The following HCN1 variants were observed in gnomAD, a reference collection of about 807,000 sequenced individuals.
The protein encoded by HCN1 is hyperpolarization activated cyclic nucleotide gated potassium channel 1.
Under a neutral mutation model 78.9 loss-of-function variants are expected in HCN1, and 13 were observed. That is an observed-to-expected ratio of 0.16 (90% CI 0.11 to 0.26). The LOEUF (loss-of-function observed/expected upper bound fraction) is 0.26, where lower values mean the gene tolerates loss of function less well. Ranked by LOEUF, HCN1 falls within the 10% of genes least tolerant of loss-of-function variation. The pLI is 1.00. For missense variants in HCN1, 810 were observed against 1,154.3 expected (o/e 0.70, Z 4.32); for synonymous variants, 552 against 455.5 (o/e 1.21, Z -2.70).
At chr5:45,406,114 T>G (rs568147229) in intron 3 of HCN1, among the ~76,000 whole-genome samples, 3 of 152,274 alleles carry the variant, frequency 2.0e-5, no homozygotes, top group East Asian at 3.9e-4. Flanking sequence ...TTCATCCAAT[T>G]TTTTATACTA....
intron 1 of HCN1, among the ~76,000 whole-genome samples, chr5:45,664,979 G>A (rs1455253482): frequency 6.6e-6 from 1 of 151,562 alleles, no homozygotes; most frequent in East Asian, 1.9e-4. Flanking sequence ...AAATCATGCT[G>A]CTATAAAGAC....
At chr5:45,680,816 A>T (rs1739688488) in intron 1 of HCN1, among the ~76,000 whole-genome samples, 1 of 151,992 alleles carries the variant, frequency 6.6e-6, no homozygotes. Flanking sequence ...TTATCTCTTC[A>T]TGTATTAGGT....
chr5:45,579,865 C>A (rs1001048698), intron 2 of HCN1, among the ~76,000 whole-genome samples: 18 of 152,078 alleles, frequency 1.2e-4, no homozygotes, highest in African/African-American at 2.9e-4. Flanking sequence ...GTGAGAATTT[C>A]TCTTCCTGGT....
intron 2 of HCN1, among the ~76,000 whole-genome samples, chr5:45,572,182 TA>T (rs1743850197): frequency 1.3e-5 from 2 of 152,262 alleles, no homozygotes; most frequent in African/African-American, 4.8e-5. Context: ...TGCCAAAGGA[TA>T]AATAAAAAAT....
intron 2 of HCN1, among the ~76,000 whole-genome samples, chr5:45,577,028 T>G (rs1415736708): frequency 6.6e-6 from 1 of 152,136 alleles, no homozygotes; most frequent in African/African-American, 2.4e-5. Flanking sequence ...ATTCACCAAG[T>G]TTATATTCTC....
intron 6 of HCN1, among the ~76,000 whole-genome samples, chr5:45,284,014 C>T (rs1285402622): frequency 6.6e-6 from 1 of 152,108 alleles, no homozygotes; most frequent in African/African-American, 2.4e-5. Context: ...AGCTGGAGGC[C>T]ATTTCCCTTA....
chr5:45,692,862 C>T (rs1561247346), intron 1 of HCN1, among the ~76,000 whole-genome samples: 4 of 152,146 alleles, frequency 2.6e-5, no homozygotes, highest in Admixed American at 2.6e-4. Context: ...GGAGTAAGAA[C>T]ATAGTAAACT....
intron 3 of HCN1, among the ~76,000 whole-genome samples, chr5:45,440,331 G>T (rs1231416492): frequency 6.6e-6 from 1 of 152,078 alleles, no homozygotes; most frequent in Admixed American, 6.5e-5. Flanking sequence ...GAACAGTCAA[G>T]AAATATTTGT....
rs180962733 is a variant in HCN1 at position 45,524,167 on chromosome 5, T to C, written c.850-62160A>G. On this transcript the variant is annotated intron_variant, in intron 2 of 7. Coordinates refer to ENST00000303230, the MANE Select transcript of HCN1 (RefSeq NM_021072.4). The stretch of plus-strand genomic sequence containing the variant: ...CTCAGGTTTGTCAAAGATCAGATAG[T>C]TGTAGATACGTGGCGTTATTTCTGA... Among the ~76,000 whole-genome samples the C allele has an allele frequency of 3.3e-4, 51 of 152,328 alleles. 1 individual carries two copies. The East Asian group carries it at 7.7e-3, about 23-fold the overall frequency.
At chr5:45,612,920 T>A (rs1464716253) in intron 2 of HCN1, among the ~76,000 whole-genome samples, 1 of 152,174 alleles carries the variant, frequency 6.6e-6, no homozygotes, top group Non-Finnish European at 1.5e-5. Context: ...TATTTATATT[T>A]TAAGCTATCC....
At chr5:45,272,521 C>A (rs542074861) in intron 6 of HCN1, among the ~76,000 whole-genome samples, 1 of 152,090 alleles carries the variant, frequency 6.6e-6, no homozygotes, top group South Asian at 2.1e-4. Flanking sequence ...GTTTCCAGCC[C>A]AGGCAAAATG....
intron 5 of HCN1, among the ~76,000 whole-genome samples, chr5:45,315,922 A>G (rs1745978730): frequency 6.6e-6 from 1 of 152,210 alleles, no homozygotes; most frequent in Non-Finnish European, 1.5e-5. Context: ...GCAATAATTA[A>G]TAGCTTACCA....
chr5:45,427,872 C>T (rs1359719999), intron 3 of HCN1, among the ~76,000 whole-genome samples: 1 of 151,994 alleles, frequency 6.6e-6, no homozygotes, highest in African/African-American at 2.4e-5. Flanking sequence ...TCCTGCTTTG[C>T]TATGATTGTA....
At chr5:45,670,639 C>T (rs543316582) in intron 1 of HCN1, among the ~76,000 whole-genome samples, 15 of 151,858 alleles carry the variant, frequency 9.9e-5, no homozygotes, top group African/African-American at 3.4e-4. Context: ...CTGTAACATG[C>T]AAACATACAT....
intron 2 of HCN1, among the ~76,000 whole-genome samples, chr5:45,587,134 AGT>A (rs1744246488): frequency 6.6e-6 from 1 of 152,220 alleles, no homozygotes; most frequent in African/African-American, 2.4e-5. Flanking sequence ...TGTGGAAGAC[AGT>A]GTGGCAATTC....
At chr5:45,333,471 C>T (rs191632248) in intron 5 of HCN1, among the ~76,000 whole-genome samples, 21 of 151,608 alleles carry the variant, frequency 1.4e-4, no homozygotes, top group Non-Finnish European at 2.8e-4. Context: ...TTTTAACGTC[C>T]AGAAGCTTTT....
intron 2 of HCN1, among the ~76,000 whole-genome samples, chr5:45,544,449 T>G (rs1046711489): frequency 6.6e-6 from 1 of 150,642 alleles, no homozygotes; most frequent in African/African-American, 2.4e-5. Context: ...TCTTCTGAAT[T>G]TTTTTTTAAT....
intron 1 of HCN1, among the ~76,000 whole-genome samples, chr5:45,677,014 T>C (rs1739570352): frequency 6.6e-6 from 1 of 151,836 alleles, no homozygotes; most frequent in Non-Finnish European, 1.5e-5. Context: ...TCATTATAAC[T>C]TTAACTTGCC....
intron 2 of HCN1, among the ~76,000 whole-genome samples, chr5:45,616,729 A>G (rs370856550): frequency 2.0e-5 from 3 of 152,066 alleles, no homozygotes; most frequent in African/African-American, 4.8e-5. Context: ...TAAATAAAAA[A>G]CAAACTTGGT....
Sources: gnomAD v4.1 joint callset for allele counts (sites outside exome capture counted in the v4.1 genomes callset) on GRCh38, gnomAD v4.1.1 for gene constraint, MANE v1.5 for transcripts, NCBI Gene and HGNC (gene_info 2026-07-23, HGNC 2026-07-21) for gene names.